SHROOM2: variants seen among roughly 807,000 people sequenced by gnomAD.
The protein encoded by SHROOM2 is protein Shroom2.
A neutral mutation model predicts 75.9 loss-of-function variants in SHROOM2; 33 were observed. That is an observed-to-expected ratio of 0.43 (90% CI 0.33 to 0.58). The LOEUF is 0.58. SHROOM2 is among the 20% of genes least tolerant of loss of function. SHROOM2 has a pLI of 0.04. For synonymous variants in SHROOM2, 655 were observed against 663.6 expected, an observed-to-expected ratio of 0.99 and a Z score of 0.20; for missense variants, 1,434 against 1,461.2, an observed-to-expected ratio of 0.98 and a Z score of 0.30.
intron 1 of SHROOM2, among the ~76,000 whole-genome samples, chrX:9,849,481 T>C (rs1356464865): frequency 1.8e-5 from 2 of 112,095 alleles, no homozygotes; most frequent in African/African-American, 6.5e-5. Context: ...TGGCACTTGC[T>C]AAGCTGGGCG....
chrX:9,808,380 C>CAAAA (rs766274874), intron 1 of SHROOM2, among the ~76,000 whole-genome samples: 1 of 72,505 alleles, frequency 1.4e-5, no homozygotes. Flanking sequence ...TCTGTCTCTA[C>CAAAA]AAAAAAAAAA....
chrX:9,895,723 C>T lies in SHROOM2; in HGVS notation c.1815C>T (p.Ser605=), dbSNP rs189876719. Residue 605 remains serine (S), a synonymous_variant, in exon 4 of 10, where the codon AGC becomes AGT. Coordinates refer to ENST00000380913, the MANE Select transcript of SHROOM2 (RefSeq NM_001649.4). ...KRRPESSPED[S]ATRPPPFDAH... ...GGCCTGAGAGCAGTCCAGAGGACAG[C>T]GCCACCAGACCGCCACCGTTCGACG... 51 of 1,192,644 alleles carry T rather than the reference C, an allele frequency of 4.3e-5. No individual in the cohort carries two copies. Among genetic ancestry groups the T allele is most frequent in the African/African-American group, 1.0e-4 (6 of 57,330 alleles).
Position 9,896,372 on chromosome X carries a change from C to A in SHROOM2, c.2464C>A (p.Pro822Thr), listed in dbSNP as rs1243829350. Residue 822 changes from proline to threonine, a missense_variant, in exon 4 of 10, where the codon CCG (proline) becomes ACG (threonine). Physicochemically the swap from Pro to Thr is conservative, Grantham distance 38 (BLOSUM62 -1). Coordinates refer to ENST00000380913, the MANE Select transcript of SHROOM2 (RefSeq NM_001649.4). ...PAQKQALHGI[P>T]RDKPERPRTA... ...CCAGAAGCAAGCTCTTCACGGAATCCCGAGAGACAAGCCAGAGAGGCCGCG... is the reference window on the plus strand; with the variant it reads ...CCAGAAGCAAGCTCTTCACGGAATCACGAGAGACAAGCCAGAGAGGCCGCG... 8.3e-7 allele frequency: 1 copy of A among 1,211,430 alleles called. No homozygotes were observed. The highest frequency in any genetic ancestry group is 1.7e-5 in the African/African-American group (1 of 57,681).
chrX:9,916,046 G>T (rs1378989531), intron 5 of SHROOM2, among the ~76,000 whole-genome samples: 2 of 112,128 alleles, frequency 1.8e-5, no homozygotes, highest in Non-Finnish European at 3.8e-5. Context: ...ATACTAATCT[G>T]GGATTACAGC....
At chrX:9,808,466 T>C (rs1365534086) in intron 1 of SHROOM2, among the ~76,000 whole-genome samples, 1 of 109,891 alleles carries the variant, frequency 9.1e-6, no homozygotes, top group Non-Finnish European at 1.9e-5. Flanking sequence ...AGGATTTGGC[T>C]TGAGTCAGAG....
intron 5 of SHROOM2, among the ~76,000 whole-genome samples, chrX:9,917,492 A>T (rs1450056353): frequency 2.0e-5 from 2 of 99,869 alleles, no homozygotes; most frequent in African/African-American, 7.8e-5. Context: ...ACCAGTTAAT[A>T]TTGTGGTTCT....
intron 5 of SHROOM2, among the ~76,000 whole-genome samples, chrX:9,899,249 G>A (rs1339628456): frequency 1.2e-5 from 1 of 85,509 alleles, no homozygotes; most frequent in African/African-American, 3.7e-5. Context: ...GCAACAGAGC[G>A]AGACCCTGTC....
At position 9,932,595 on chromosome X, in the gene SHROOM2, G is replaced by A; in HGVS notation, c.3312G>A (p.Val1104=). 1 of 1,211,728 alleles carries A rather than the reference G, an allele frequency of 8.3e-7. No individual in the cohort carries two copies. The highest frequency in any genetic ancestry group is 1.8e-5 in the South Asian group (1 of 56,978). Residue 1104 remains valine, a synonymous_variant, in exon 6 of 10, where the codon GTG becomes GTA. Coordinates refer to ENST00000380913, the MANE Select transcript of SHROOM2 (RefSeq NM_001649.4). ...FPTPSPASLD[V]YVARLSLSHS... is the part of the protein sequence containing the mutation. Reference sequence around the variant, plus strand: ...CGCCATCCCCTGCGTCCCTGGATGTGTATGTGGCCCGCCTGTCCCTCTCCC... The same window carrying A: ...CGCCATCCCCTGCGTCCCTGGATGTATATGTGGCCCGCCTGTCCCTCTCCC...
intron 4 of SHROOM2, among the ~76,000 whole-genome samples, chrX:9,897,456 C>G (rs1312666190): frequency 4.7e-5 from 5 of 107,310 alleles, no homozygotes; most frequent in Non-Finnish European, 9.6e-5. Context: ...TGCGGTGGTG[C>G]ATTTGCAGTT....
At chrX:9,930,138 A>G (rs2084633970) in intron 5 of SHROOM2, among the ~76,000 whole-genome samples, 1 of 111,588 alleles carries the variant, frequency 9.0e-6, no homozygotes, top group South Asian at 3.7e-4. Context: ...AAGTGGGTCT[A>G]TGGGTGATAG....
At position 9,895,875 on chromosome X, in the gene SHROOM2, C is replaced by T. The variant is rs201141236; in HGVS notation, c.1967C>T (p.Ala656Val). 11 of 1,201,921 alleles carry T rather than the reference C, an allele frequency of 9.2e-6. No individual in the cohort carries two copies. The highest frequency in any genetic ancestry group is 1.2e-5 in the Non-Finnish European group (11 of 891,256). ...GTGGCTCTGACTGCAGCAGGGGAGG[C>T]GGAGGATGGCACCGGCCGCTGGAGG... is the stretch of plus-strand genomic sequence containing the variant. The part of the protein sequence containing the change: ...STVALTAAGE[A>V]EDGTGRWRAG... Residue 656 changes from alanine (A) to valine (V), a missense_variant, in exon 4 of 10, where the codon GCG becomes GTG. Coordinates refer to ENST00000380913, the MANE Select transcript of SHROOM2 (RefSeq NM_001649.4).
chrX:9,884,374 T>C (rs1243044811), intron 2 of SHROOM2, among the ~76,000 whole-genome samples: 1 of 107,456 alleles, frequency 9.3e-6, no homozygotes, highest in Non-Finnish European at 1.9e-5. Context: ...TTTTCTTTTT[T>C]TTTTTTTTTT....
chrX:9,947,759 A>AT lies in SHROOM2; in HGVS notation c.*828dup, dbSNP rs2084834872. The AT allele has an allele frequency of 1.8e-5, 2 of 112,226 alleles. No individual in the cohort carries two copies. Among genetic ancestry groups the AT allele is most frequent in the Admixed American group, 9.4e-5 (1 of 10,589 alleles). The allele number at this position is 112,226 out of a possible 1,213,427, so 9.2% of individuals were successfully genotyped here. A position where few individuals can be genotyped will look rare whatever the true frequency, so the allele number is the denominator to read the frequency against. On this transcript the variant is annotated 3_prime_UTR_variant, in exon 10 of 10. Coordinates refer to ENST00000380913, the MANE Select transcript of SHROOM2 (RefSeq NM_001649.4). ...AGCTGTTTCTCAAGACCAACAGAAG[A>AT]TTTTTTCAGTTACTTTCCCCCCATG... is the stretch of plus-strand genomic sequence containing the variant.
In SHROOM2 at chrX:9,948,990, G is replaced by A. The variant is rs962720333; in HGVS notation, c.*2053G>A. Reference sequence around the variant, plus strand: ...TTTTGATGATATGTGTGTAAAATGTGAATAATCCAATTGGTGTCTGTACTC... The same window carrying A: ...TTTTGATGATATGTGTGTAAAATGTAAATAATCCAATTGGTGTCTGTACTC... On this transcript the variant is annotated 3_prime_UTR_variant, in exon 10 of 10. Transcript: ENST00000380913. 5 of 147,125 alleles carry A rather than the reference G, an allele frequency of 3.4e-5. No homozygotes were observed. Among genetic ancestry groups the A allele is most frequent in the Non-Finnish European group, 6.8e-5 (5 of 73,642 alleles). The allele number at this position is 147,125 out of a possible 1,213,427, so 12.1% of individuals were successfully genotyped here. A position where few individuals can be genotyped will look rare whatever the true frequency, so the allele number is the denominator to read the frequency against.
At chrX:9,799,494 AC>A (rs1379110007) in intron 1 of SHROOM2, among the ~76,000 whole-genome samples, 1 of 111,247 alleles carries the variant, frequency 9.0e-6, no homozygotes, top group African/African-American at 3.3e-5. Flanking sequence ...TTCTTAAATT[AC>A]CCATTAATTA....
At chrX:9,865,224 G>A (rs1476911041) in intron 1 of SHROOM2, 1 of 111,895 alleles carries the variant, frequency 8.9e-6, no homozygotes, top group African/African-American at 3.2e-5. Context: ...TTTAAAAAAA[G>A]CATTTATGCT....
Position 9,947,576 on chromosome X carries a change from G to T in SHROOM2, c.*639G>T, listed in dbSNP as rs2084833210. The T allele has an allele frequency of 8.9e-6, 1 of 112,367 alleles. No homozygotes were observed. The highest frequency in any genetic ancestry group is 3.2e-5 in the African/African-American group (1 of 30,846). 9.3% of individuals were successfully genotyped at this position (112,367 alleles called of 1,213,427 possible). A position where few individuals can be genotyped will look rare whatever the true frequency, so the allele number is the denominator to read the frequency against. On this transcript the variant is annotated 3_prime_UTR_variant, in exon 10 of 10. Transcript: ENST00000380913. Reference sequence around the variant, plus strand: ...GTGTGGTTGGGTTCACTCATTCTCAGATTAAATTGCCACTTAAAGAAATAA... The same window carrying T: ...GTGTGGTTGGGTTCACTCATTCTCATATTAAATTGCCACTTAAAGAAATAA...
In SHROOM2 at chrX:9,940,149, G is replaced by C. The variant is rs1342568340; in HGVS notation, c.4311+783G>C. 1.8e-5 allele frequency among the ~76,000 whole-genome samples: 2 copies of C among 111,683 alleles called. 1 individual carries two copies. Among genetic ancestry groups the C allele is most frequent in the Non-Finnish European group, 3.8e-5 (2 of 53,171 alleles). ...GAAAATTAAGGGTTTAGGTCTTGGG[G>C]CTTTTACGGGCCCTCCATCTGGCAC... On this transcript the variant is annotated intron_variant, in intron 8 of 9. Coordinates refer to ENST00000380913, the MANE Select transcript of SHROOM2 (RefSeq NM_001649.4).
At chrX:9,848,539 A>G (rs1469684338) in intron 1 of SHROOM2, among the ~76,000 whole-genome samples, 6 of 102,124 alleles carry the variant, frequency 5.9e-5, no homozygotes, top group Middle Eastern at 8.8e-3. Flanking sequence ...AAAGAAAAGC[A>G]TGTTCTAAGT....
Sources: allele counts gnomAD v4.1 joint callset (sites outside exome capture counted in the v4.1 genomes callset), GRCh38; gene constraint gnomAD v4.1.1; transcripts MANE v1.5; gene names NCBI Gene and HGNC (gene_info 2026-07-23, HGNC 2026-07-21).